Variants in ANXA4 observed in about 807,000 individuals in gnomAD.
ANXA4 encodes the protein annexin A4.
ANXA4 carries 39 observed loss-of-function variants against 49.8 expected under a neutral mutation model. The ratio of observed to expected loss-of-function variants is 0.78; its 90% confidence interval spans 0.61 to 1.02. The LOEUF is 1.02. ANXA4 is among the 50% of genes least tolerant of loss of function. The pLI is 0.00. For synonymous variants in ANXA4, 134 were observed against 152.5 expected, an observed-to-expected ratio of 0.88 and a Z score of 0.89; for missense variants, 360 against 410.1, an observed-to-expected ratio of 0.88 and a Z score of 1.05.
rs1470541299 is a variant in ANXA4, at chr2:69,826,266, T to A, written c.*751T>A. ...GCTTGCAAGTGAATGGAAAAAAAAA[T>A]AAGCTTCAAACTAGGTATTCTGGGA... On this transcript the variant is annotated 3_prime_UTR_variant, in exon 13 of 13. Coordinates refer to ENST00000394295, the MANE Select transcript of ANXA4 (RefSeq NM_001153.5). 6.6e-6 allele frequency: 1 copy of A among 152,542 alleles called. No individual in the cohort carries two copies. Among genetic ancestry groups the A allele is most frequent in the Non-Finnish European group, 1.5e-5 (1 of 68,018 alleles). The allele number at this position is 152,542 out of a possible 1,614,324, so 9.4% of individuals were successfully genotyped here.
intron 1 of ANXA4, among the ~76,000 whole-genome samples, chr2:69,760,076 C>T (rs1325942276): frequency 1.3e-5 from 2 of 152,172 alleles, no homozygotes; most frequent in East Asian, 3.9e-4. Context: ...TCGTGATCCA[C>T]CCGCCTCGGC....
At chr2:69,764,644 T>G (rs192368403) in intron 1 of ANXA4, among the ~76,000 whole-genome samples, 291 of 152,328 alleles carry the variant, frequency 1.9e-3, no homozygotes, top group African/African-American at 6.5e-3. Flanking sequence ...ATCGTTTCTT[T>G]TAAGGAGTTA....
chr2:69,795,477 C>T (rs1169900400), intron 3 of ANXA4, among the ~76,000 whole-genome samples: 1 of 152,160 alleles, frequency 6.6e-6, no homozygotes, highest in Non-Finnish European at 1.5e-5. Flanking sequence ...CTCCATTCCC[C>T]ATTGGGTTTT....
chr2:69,801,714 A>G (rs1004901510), intron 3 of ANXA4, among the ~76,000 whole-genome samples: 4 of 152,092 alleles, frequency 2.6e-5, no homozygotes, highest in South Asian at 2.1e-4. Context: ...TGCCCTCACT[A>G]TCTGCTTAAA....
chr2:69,684,492 A>G (rs539203434), intron 2 of ANXA4, among the ~76,000 whole-genome samples: 5 of 151,846 alleles, frequency 3.3e-5, no homozygotes, highest in Admixed American at 6.6e-5. Flanking sequence ...AGATGAGCCT[A>G]GGCAACATGG....
chr2:69,747,599 A>G (rs1208359057), intron 1 of ANXA4, among the ~76,000 whole-genome samples: 2 of 152,208 alleles, frequency 1.3e-5, no homozygotes, highest in African/African-American at 2.4e-5. Context: ...TACAATTTCA[A>G]GGAGTTTATA....
At chr2:69,673,261 C>T (rs1677257629) in intron 2 of ANXA4, among the ~76,000 whole-genome samples, 1 of 152,086 alleles carries the variant, frequency 6.6e-6, no homozygotes. Flanking sequence ...AACCCAAATG[C>T]CCATCAATGA....
rs1303888551 is a variant in ANXA4, at chr2:69,701,082, C to T, written n.767-19692C>T. On this transcript the variant is annotated intron_variant and non_coding_transcript_variant, in intron 2 of 3. Transcript: ENST00000418066. ...TGGAGACGGGGTTTCACCATGTTGG[C>T]CAGGCTGGTCTCGAACTCCTGACCT... 2.0e-5 allele frequency among the ~76,000 whole-genome samples: 3 copies of T among 152,074 alleles called. No individual in the cohort carries two copies. The East Asian group carries it at 5.8e-4, about 29-fold the overall frequency.
In ANXA4 at chr2:69,825,640, C is replaced by A. The variant is rs1674441386; in HGVS notation, c.*125C>A. 1 of 653,076 alleles carries A rather than the reference C, an allele frequency of 1.5e-6. No homozygotes were observed. Among genetic ancestry groups the A allele is most frequent in the South Asian group, 2.2e-5 (1 of 44,780 alleles). 40.5% of individuals were successfully genotyped at this position (653,076 alleles called of 1,614,324 possible). ...CCAATTAAAACGCCTACAGCTGCCT[C>A]CTAGAATATAGACTGTCTGTATTAT... On this transcript the variant is annotated 3_prime_UTR_variant, in exon 13 of 13. Transcript: ENST00000394295.
At chr2:69,785,846 A>G (rs1044800675) in intron 2 of ANXA4, among the ~76,000 whole-genome samples, 3 of 152,028 alleles carry the variant, frequency 2.0e-5, no homozygotes, top group African/African-American at 7.3e-5. Context: ...TGGATTTCCT[A>G]TGAGCTCAAG....
chr2:69,774,869 G>A (rs776880689), intron 1 of ANXA4, among the ~76,000 whole-genome samples: 1 of 152,136 alleles, frequency 6.6e-6, no homozygotes, highest in African/African-American at 2.4e-5. Context: ...CAGGCTGGAT[G>A]TTCTCTCAGG....
chr2:69,731,248 C>G (rs1156979177), intron 3 of ANXA4, among the ~76,000 whole-genome samples: 5 of 152,180 alleles, frequency 3.3e-5, no homozygotes, highest in Admixed American at 3.3e-4. Context: ...TAATTAACTT[C>G]AGCACAACTG....
chr2:69,706,394 G>A (rs1462675690), intron 2 of ANXA4, among the ~76,000 whole-genome samples: 3 of 141,612 alleles, frequency 2.1e-5, no homozygotes, highest in African/African-American at 8.0e-5. Flanking sequence ...TCTGCCTCCC[G>A]GGTTCAAGCG....
At chr2:69,746,261 C>T (rs111936965) in intron 1 of ANXA4, among the ~76,000 whole-genome samples, 5,418 of 152,200 alleles carry the variant, frequency 0.036, 93 homozygotes, top group East Asian at 0.048. Context: ...CCACCCGCCT[C>T]GGCCTCCCAA....
intron 1 of ANXA4, among the ~76,000 whole-genome samples, chr2:69,742,952 G>T (rs558545762): frequency 6.6e-6 from 1 of 152,222 alleles, no homozygotes; most frequent in Admixed American, 6.5e-5. Flanking sequence ...CCATTCTCCT[G>T]CCCACCAGTC....
intron 2 of ANXA4, among the ~76,000 whole-genome samples, chr2:69,712,045 C>G (rs1486238046): frequency 1.3e-5 from 2 of 151,966 alleles, no homozygotes; most frequent in East Asian, 3.9e-4. Context: ...TCTCTTCATT[C>G]TCTTGGTCTC....
chr2:69,786,773 G>A (rs1672432621), intron 2 of ANXA4, among the ~76,000 whole-genome samples: 1 of 152,288 alleles, frequency 6.6e-6, no homozygotes, highest in Middle Eastern at 3.4e-3. Context: ...CCAGATTGGA[G>A]CACAGTGGTA....
chr2:69,823,561 G>A (rs1162351041), intron 12 of ANXA4, among the ~76,000 whole-genome samples: 2 of 152,094 alleles, frequency 1.3e-5, no homozygotes, highest in African/African-American at 2.4e-5. Flanking sequence ...AAAGAAAGCG[G>A]AGATTATGCT....
chr2:69,774,078 C>T (rs1036691529), intron 1 of ANXA4, among the ~76,000 whole-genome samples: 1 of 152,138 alleles, frequency 6.6e-6, no homozygotes, highest in Admixed American at 6.5e-5. Context: ...CCGCCCCTGC[C>T]TCCCACAATG....
Sources: allele counts gnomAD v4.1 joint callset (sites outside exome capture counted in the v4.1 genomes callset), GRCh38; gene constraint gnomAD v4.1.1; transcripts MANE v1.5; gene names NCBI Gene and HGNC (gene_info 2026-07-23, HGNC 2026-07-21).